CLEC3A: variants seen among roughly 807,000 people sequenced by gnomAD.
CLEC3A encodes the protein C-type (calcium dependent, carbohydrate-recognition domain) lectin, superfamily member 1 (cartilage-derived).
Under a neutral mutation model 20.4 loss-of-function variants are expected in CLEC3A, and 28 were observed. That is an observed-to-expected ratio of 1.37 (90% CI 1.02 to 1.88). The LOEUF is 1.88. Among genes scored for constraint, CLEC3A ranks in the 40% most tolerant of loss-of-function variants. The pLI, the probability that CLEC3A is intolerant of heterozygous loss-of-function variation, is 0.00. For missense variants in CLEC3A, 357 were observed against 240.4 expected, an observed-to-expected ratio of 1.48 and a Z score of -3.21; for synonymous variants, 110 against 88.1, an observed-to-expected ratio of 1.25 and a Z score of -1.39.
At chr16:78,023,756 T>C (rs1413150775) in intron 1 of CLEC3A, among the ~76,000 whole-genome samples, 2 of 151,112 alleles carry the variant, frequency 1.3e-5, no homozygotes, top group Non-Finnish European at 3.0e-5. Flanking sequence ...GTGCAAGGTT[T>C]CTTTTTTTTT....
rs777020989 is a variant in CLEC3A at position 78,030,855 on chromosome 16, G to A, written c.*14G>A. 17 of 1,594,668 alleles carry A rather than the reference G, an allele frequency of 1.1e-5. No homozygotes were observed. Among genetic ancestry groups the A allele is most frequent in the Non-Finnish European group, 1.5e-5 (17 of 1,169,674 alleles). ...ATCCCTCAATAGGTCTTTCTCCAAT[G>A]TGTCCTCCAAGCAAGATTCATCATA... On this transcript the variant is annotated 3_prime_UTR_variant, in exon 3 of 3. Transcript: ENST00000299642.
At position 78,022,741 on chromosome 16, in the gene CLEC3A, G is replaced by A. The variant is rs377526643; in HGVS notation, c.115G>A (p.Asp39Asn). 1 of 1,613,888 alleles carries A rather than the reference G, an allele frequency of 6.2e-7. No individual in the cohort carries two copies. The highest frequency in any genetic ancestry group is 8.5e-7 in the Non-Finnish European group (1 of 1,180,004). ...GAAGCACAGCAAACGTCGAGTGAGAGGTAATGGGGCTTCTCAATCAAGCAA... is the reference window on the plus strand; with the variant it reads ...GAAGCACAGCAAACGTCGAGTGAGAAGTAATGGGGCTTCTCAATCAAGCAA... ...ARKHSKRRVR[D>N]KDGDLKTQIE... Residue 39 changes from aspartate (D) to asparagine (N), a missense_variant and splice_region_variant, in exon 1 of 3, where the codon GAC becomes AAC. Physicochemically the swap from Asp to Asn is conservative, Grantham distance 23. Coordinates refer to ENST00000299642, the MANE Select transcript of CLEC3A (RefSeq NM_005752.6).
chr16:78,032,014 C>A lies in CLEC3A; in HGVS notation c.*1173C>A, dbSNP rs1567545640. 1 of 152,404 alleles carries A rather than the reference C, an allele frequency of 6.6e-6. No homozygotes were observed. The highest frequency in any genetic ancestry group is 1.5e-5 in the Non-Finnish European group (1 of 67,984). The allele number at this position is 152,404 out of a possible 1,614,324, so 9.4% of individuals were successfully genotyped here. ...TTGAATGTGTTTTGTGAACAATATC[C>A]CACTTTGCAAACTTTAACTACACAT... On this transcript the variant is annotated 3_prime_UTR_variant, in exon 3 of 3. Transcript: ENST00000299642.
intron 2 of CLEC3A, 71 bp downstream of exon 2, chr16:78,028,261 A>T: frequency 8.8e-7 from 1 of 1,140,494 alleles, no homozygotes; most frequent in Non-Finnish European, 1.2e-6. Flanking sequence ...TTTCTGGGGG[A>T]CGTCTTTTTA....
At position 78,028,136 on chromosome 16, in the gene CLEC3A, G is replaced by T. The variant is rs771507498; in HGVS notation, c.145G>T (p.Glu49Ter). 6.2e-6 allele frequency: 10 copies of T among 1,611,776 alleles called. No homozygotes were observed. The East Asian group carries it at 2.2e-4, about 36-fold the overall frequency. ...DKDGDLKTQI[E>*]KLWTEVNALK... ...GGATGGAGATCTGAAGACTCAAATT[G>T]AAAAGCTCTGGACAGAAGTCAATGC... Residue 49 changes from glutamate (E) to a stop codon, truncating the protein, a stop_gained, in exon 2 of 3, where the codon GAA becomes TAA. Transcript: ENST00000299642. LOFTEE classifies it high-confidence loss of function.
At chr16:78,025,586 C>T (rs2029891850) in intron 1 of CLEC3A, among the ~76,000 whole-genome samples, 1 of 152,142 alleles carries the variant, frequency 6.6e-6, no homozygotes. Context: ...ACTGTGTCTA[C>T]CTCTGGAGAG....
intron 1 of CLEC3A, among the ~76,000 whole-genome samples, chr16:78,024,249 T>G (rs2018784571): frequency 6.6e-6 from 1 of 151,998 alleles, no homozygotes; most frequent in Admixed American, 6.6e-5. Context: ...CTGGATGGAG[T>G]GGCACTCCTC....
chr16:78,030,353 A>C, intron 2 of CLEC3A, 94 bp from the exon 3 acceptor site: 1 of 1,113,706 alleles, frequency 9.0e-7, no homozygotes, highest in East Asian at 2.4e-5. Context: ...ATCATACTTC[A>C]TTCCACAAAT....
chr16:78,031,981 T>C lies in CLEC3A; in HGVS notation c.*1140T>C, dbSNP rs1816825248. On this transcript the variant is annotated 3_prime_UTR_variant, in exon 3 of 3. Transcript: ENST00000299642. ...TATTTTGTTCTTCAAATAAATAGTG[T>C]TTAAACATTGAATGTGTTTTGTGAA... 1 of 152,636 alleles carries C rather than the reference T, an allele frequency of 6.6e-6. No individual in the cohort carries two copies. Among genetic ancestry groups the C allele is most frequent in the South Asian group, 2.1e-4 (1 of 4,832 alleles). The allele number at this position is 152,636 out of a possible 1,614,324, so 9.5% of individuals were successfully genotyped here.
intron 1 of CLEC3A, among the ~76,000 whole-genome samples, chr16:78,027,758 C>T (rs922870275): frequency 1.3e-5 from 2 of 152,134 alleles, no homozygotes; most frequent in African/African-American, 2.4e-5. Context: ...CAAGTTGAAG[C>T]AGTTCTCATG....
chr16:78,028,226 G>A (rs1306129854), intron 2 of CLEC3A, 36 bp downstream of exon 2: 2 of 1,459,440 alleles, frequency 1.4e-6, no homozygotes, highest in Non-Finnish European at 1.8e-6. Flanking sequence ...TTGTCCCAAA[G>A]GAGACAGGAA....
chr16:78,024,113 G>A (rs906528005), intron 1 of CLEC3A, among the ~76,000 whole-genome samples: 6 of 152,178 alleles, frequency 3.9e-5, no homozygotes, highest in Middle Eastern at 3.4e-3. Context: ...TACTTCTTTC[G>A]GTGAAAGATT....
At chr16:78,025,173 T>G (rs1036110295) in intron 1 of CLEC3A, among the ~76,000 whole-genome samples, 3 of 152,380 alleles carry the variant, frequency 2.0e-5, no homozygotes, top group Non-Finnish European at 4.4e-5. Context: ...GAATTGGCTA[T>G]GCAGAATGTT....
At chr16:78,027,830 A>G (rs1311949542) in intron 1 of CLEC3A, among the ~76,000 whole-genome samples, 1 of 152,056 alleles carries the variant, frequency 6.6e-6, no homozygotes, top group African/African-American at 2.4e-5. Flanking sequence ...TAATTTTTAT[A>G]CTTTTAGTAG....
intron 2 of CLEC3A, chr16:78,029,143 A>G (rs1414361118): frequency 6.6e-6 from 3 of 455,842 alleles, no homozygotes; most frequent in African/African-American, 4.0e-5. Flanking sequence ...TGAGGCACAA[A>G]GAAGGTAAGT....
In CLEC3A at chr16:78,031,389, G is replaced by T. The variant is rs535601640; in HGVS notation, c.*548G>T. The T allele has an allele frequency of 6.6e-6, 1 of 151,156 alleles. No individual in the cohort carries two copies. Among genetic ancestry groups the T allele is most frequent in the East Asian group, 1.9e-4 (1 of 5,144 alleles). 9.4% of individuals were successfully genotyped at this position (151,156 alleles called of 1,614,324 possible). A position where few individuals can be genotyped will look rare whatever the true frequency, so the allele number is the denominator to read the frequency against. On this transcript the variant is annotated 3_prime_UTR_variant, in exon 3 of 3. Transcript: ENST00000299642. ...CATCTCCTGGTGGGACTTGTATCTTGTCTGCCATATCAGAACACAAACCCC... is the reference window on the plus strand; with the variant it reads ...CATCTCCTGGTGGGACTTGTATCTTTTCTGCCATATCAGAACACAAACCCC...
chr16:78,026,177 G>A (rs112868790), intron 1 of CLEC3A, among the ~76,000 whole-genome samples: 15 of 152,324 alleles, frequency 9.8e-5, no homozygotes, highest in African/African-American at 3.6e-4. Flanking sequence ...GTAGCATTAA[G>A]TAAAACAGAG....
At chr16:78,027,396 G>A (rs1000716427) in intron 1 of CLEC3A, among the ~76,000 whole-genome samples, 2 of 152,148 alleles carry the variant, frequency 1.3e-5, no homozygotes, top group African/African-American at 4.8e-5. Flanking sequence ...AGCTTGCTAA[G>A]AATACAGGAA....
intron 1 of CLEC3A, among the ~76,000 whole-genome samples, chr16:78,026,828 C>T (rs1227291504): frequency 6.6e-6 from 1 of 152,210 alleles, no homozygotes; most frequent in East Asian, 1.9e-4. Context: ...GATCCTTTAG[C>T]CTCATCCAGG....
Sources: allele counts gnomAD v4.1 joint callset (sites outside exome capture counted in the v4.1 genomes callset), GRCh38; gene constraint gnomAD v4.1.1; transcripts MANE v1.5; gene names NCBI Gene and HGNC (gene_info 2026-07-23, HGNC 2026-07-21).